Variants in TBC1D5 observed in about 807,000 individuals in gnomAD.
TBC1D5 encodes TBC1 domain family, member 5.
Under a neutral mutation model 100.3 loss-of-function variants are expected in TBC1D5, and 75 were observed. The observed-to-expected ratio is 0.75, with a 90% CI of 0.62 to 0.91. The LOEUF is 0.91. TBC1D5 is among the 40% of genes least tolerant of loss of function. The pLI is 0.00. For missense variants in TBC1D5, 910 were observed against 942.4 expected, an observed-to-expected ratio of 0.97 and a Z score of 0.45; for synonymous variants, 323 against 325.6, an observed-to-expected ratio of 0.99 and a Z score of 0.09.
chr3:17,192,844 C>T (rs1010780892), intron 18 of TBC1D5, among the ~76,000 whole-genome samples: 13 of 152,244 alleles, frequency 8.5e-5, no homozygotes, highest in Non-Finnish European at 1.5e-4. Context: ...ACTGCGGTGT[C>T]CCACCGCTGA....
At chr3:17,590,510 A>G (rs2096760002) in intron 2 of TBC1D5, among the ~76,000 whole-genome samples, 1 of 152,186 alleles carries the variant, frequency 6.6e-6, no homozygotes. Flanking sequence ...GTCACTTTAG[A>G]TCTACTCATC....
chr3:17,426,319 A>G (rs1170020370), intron 4 of TBC1D5, among the ~76,000 whole-genome samples: 1 of 152,182 alleles, frequency 6.6e-6, no homozygotes, highest in African/African-American at 2.4e-5. Flanking sequence ...TATACCACAG[A>G]GCTGTGCTTC....
At chr3:17,585,734 T>C (rs911285466) in intron 2 of TBC1D5, among the ~76,000 whole-genome samples, 6 of 152,164 alleles carry the variant, frequency 3.9e-5, no homozygotes, top group Admixed American at 3.9e-4. Flanking sequence ...AAGCATTAAA[T>C]AAAATATACA....
At chr3:17,446,668 C>A (rs1384322153) in intron 3 of TBC1D5, among the ~76,000 whole-genome samples, 1 of 152,242 alleles carries the variant, frequency 6.6e-6, no homozygotes, top group African/African-American at 2.4e-5. Context: ...AAGTAAAAGC[C>A]CAAATTTTAA....
At chr3:17,302,216 T>A (rs1409430308) in intron 14 of TBC1D5, among the ~76,000 whole-genome samples, 1 of 152,184 alleles carries the variant, frequency 6.6e-6, no homozygotes, top group Non-Finnish European at 1.5e-5. Context: ...AAAATCCTTG[T>A]CATTCCTTGC....
Position 17,706,173 on chromosome 3 carries a change from A to C in TBC1D5, c.-101+33170T>G, listed in dbSNP as rs980883081. 5.8e-6 allele frequency: 9 copies of C among 1,564,944 alleles called. No individual in the cohort carries two copies. The African/African-American group carries it at 1.1e-4, about 19-fold the overall frequency. On this transcript the variant is annotated intron_variant, in intron 1 of 21. Transcript: ENST00000253692. ...GTTGATGGGGGAGACATCGGCAGGC[A>C]GCCGCTCGAAGGGCCTCTTCTCCGG...
intron 2 of TBC1D5, among the ~76,000 whole-genome samples, chr3:17,564,171 G>C (rs2096579168): frequency 6.6e-6 from 1 of 151,974 alleles, no homozygotes; most frequent in Non-Finnish European, 1.5e-5. Flanking sequence ...AAAAAATAAA[G>C]ATAGTTTAAA....
chr3:17,410,709 A>G (rs907352096), intron 4 of TBC1D5, among the ~76,000 whole-genome samples: 2 of 152,086 alleles, frequency 1.3e-5, no homozygotes, highest in African/African-American at 4.8e-5. Context: ...CTAGATGGGG[A>G]AAAATAACAA....
At chr3:17,540,449 T>A (rs2096339190) in intron 2 of TBC1D5, among the ~76,000 whole-genome samples, 1 of 152,224 alleles carries the variant, frequency 6.6e-6, no homozygotes. Context: ...TTTTATAGTT[T>A]TGGGTCTTAC....
intron 2 of TBC1D5, among the ~76,000 whole-genome samples, chr3:17,523,035 A>G (rs2096080018): frequency 6.6e-6 from 1 of 152,160 alleles, no homozygotes; most frequent in Non-Finnish European, 1.5e-5. Flanking sequence ...TGGAGTAGTG[A>G]TGATTGCTAA....
chr3:17,741,664 A>C (rs879788235), upstream of TBC1D5, among the ~76,000 whole-genome samples: 3 of 152,214 alleles, frequency 2.0e-5, no homozygotes, highest in Non-Finnish European at 2.9e-5. Flanking sequence ...AACACAGATT[A>C]TAATTCCTGT....
intron 3 of TBC1D5, among the ~76,000 whole-genome samples, chr3:17,477,037 A>G (rs1197765017): frequency 6.6e-6 from 1 of 151,882 alleles, no homozygotes; most frequent in Non-Finnish European, 1.5e-5. Context: ...TTTTAGTGTA[A>G]TTCTTTTATA....
At chr3:17,364,449 G>C (rs544486058) in intron 13 of TBC1D5, among the ~76,000 whole-genome samples, 3 of 152,264 alleles carry the variant, frequency 2.0e-5, no homozygotes, top group East Asian at 3.9e-4. Flanking sequence ...CAAAATTCAA[G>C]GCTATTGTAT....
intron 1 of TBC1D5, among the ~76,000 whole-genome samples, chr3:17,713,713 T>C (rs147328517): frequency 1.5e-3 from 227 of 152,058 alleles, no homozygotes; most frequent in African/African-American, 5.3e-3. Context: ...AATTAAAAAA[T>C]AGGAAAAGAA....
At chr3:17,188,546 AT>A (rs2069450428) in intron 18 of TBC1D5, among the ~76,000 whole-genome samples, 1 of 152,220 alleles carries the variant, frequency 6.6e-6, no homozygotes, top group Non-Finnish European at 1.5e-5. Context: ...AATCCAGTGT[AT>A]TATCCTTCTA....
intron 1 of TBC1D5, among the ~76,000 whole-genome samples, chr3:17,640,467 T>A (rs1258229167): frequency 2.0e-5 from 3 of 152,038 alleles, no homozygotes; most frequent in Non-Finnish European, 4.4e-5. Context: ...ATCAATTTCC[T>A]CTTAAAAGAA....
rs190700252 is a variant in TBC1D5 at position 17,613,348 on chromosome 3, G to C, written c.-36+10501C>G. ...GTGAATAGTGCCACAATAAACATACGTGTCTATGTTTCTTTATAGTAGCAT... is the reference window on the plus strand; with the variant it reads ...GTGAATAGTGCCACAATAAACATACCTGTCTATGTTTCTTTATAGTAGCAT... On this transcript the variant is annotated intron_variant, in intron 2 of 21. Transcript: ENST00000253692. Among the ~76,000 whole-genome samples, 26 of 152,274 alleles carry C rather than the reference G, an allele frequency of 1.7e-4. No individual in the cohort carries two copies. In the East Asian group the frequency reaches 5.0e-3, roughly 29 times the overall value.
At chr3:17,566,702 C>G (rs2096596138) in intron 2 of TBC1D5, among the ~76,000 whole-genome samples, 1 of 151,770 alleles carries the variant, frequency 6.6e-6, no homozygotes, top group African/African-American at 2.4e-5. Flanking sequence ...TGTCTGTATC[C>G]CTTCACAAAT....
At chr3:17,368,613 T>C (rs1032168651) in intron 13 of TBC1D5, among the ~76,000 whole-genome samples, 1 of 152,030 alleles carries the variant, frequency 6.6e-6, no homozygotes, top group Non-Finnish European at 1.5e-5. Context: ...TTGGTAATGA[T>C]AACATTTTGC....
Sources: gnomAD v4.1 joint callset for allele counts (sites outside exome capture counted in the v4.1 genomes callset) on GRCh38, gnomAD v4.1.1 for gene constraint, MANE v1.5 for transcripts, NCBI Gene and HGNC (gene_info 2026-07-23, HGNC 2026-07-21) for gene names.